The following SAMTOR variants were observed in gnomAD, a reference collection of about 807,000 sequenced individuals.
SAMTOR encodes S-adenosylmethionine sensor upstream of mTORC1, also known as UPF0532 protein C7orf60.
the SAMTOR span, among the ~76,000 whole-genome samples, chr7:112,933,062 C>T: frequency 6.6e-6 from 1 of 152,172 alleles, no homozygotes; most frequent in South Asian, 2.1e-4. Flanking sequence ...GCCCAGGAGC[C>T]ATCCAATCCT....
the SAMTOR span, among the ~76,000 whole-genome samples, chr7:112,840,355 G>A: frequency 6.6e-6 from 1 of 151,786 alleles, no homozygotes; most frequent in Admixed American, 6.6e-5. Context: ...GTCATTTTGT[G>A]TATTTCAATT....
chr7:112,876,015 C>T, the SAMTOR span, among the ~76,000 whole-genome samples: 4 of 152,190 alleles, frequency 2.6e-5, no homozygotes, highest in African/African-American at 9.6e-5. Flanking sequence ...GGCTGGAGTG[C>T]AGTGGTGCAA....
chr7:112,849,583 C>T, the SAMTOR span, among the ~76,000 whole-genome samples: 1 of 152,114 alleles, frequency 6.6e-6, no homozygotes, highest in African/African-American at 2.4e-5. Flanking sequence ...TTTGGATGCC[C>T]TTTATTTCTT....
chr7:112,832,827 A>G, the SAMTOR span: 11 of 581,830 alleles, frequency 1.9e-5, no homozygotes, highest in Non-Finnish European at 3.1e-5. Context: ...TGTGAGTTAT[A>G]TCTATTAATA....
At chr7:112,927,568 ATG>A in the SAMTOR span, among the ~76,000 whole-genome samples, 4 of 152,062 alleles carry the variant, frequency 2.6e-5, no homozygotes, top group East Asian at 1.9e-4. Context: ...GAAAAAATAC[ATG>A]TGTCTTAAAG....
the SAMTOR span, among the ~76,000 whole-genome samples, chr7:112,894,379 C>T: frequency 6.6e-6 from 1 of 152,022 alleles, no homozygotes. Context: ...TCACAGATCA[C>T]CAAAACAGAC....
At chr7:112,922,560 T>C in the SAMTOR span, among the ~76,000 whole-genome samples, 8 of 150,580 alleles carry the variant, frequency 5.3e-5, no homozygotes, top group African/African-American at 1.2e-4. Context: ...GGAGTGTCTC[T>C]ACCCAGCCGC....
chr7:112,934,725 A>T, the SAMTOR span, among the ~76,000 whole-genome samples: 260 of 152,310 alleles, frequency 1.7e-3, no homozygotes, highest in African/African-American at 6.0e-3. Flanking sequence ...AGTTCCAAAG[A>T]TTATACTGAT....
chr7:112,939,825 G>A, the SAMTOR span: 2 of 1,209,800 alleles, frequency 1.7e-6, no homozygotes, highest in Non-Finnish European at 1.2e-6. Flanking sequence ...TGGGGTAGGA[G>A]GAGGGAGCTG....
At chr7:112,884,037 T>C in the SAMTOR span, among the ~76,000 whole-genome samples, 2 of 152,134 alleles carry the variant, frequency 1.3e-5, no homozygotes, top group African/African-American at 2.4e-5. Context: ...CTTCCTCACA[T>C]GGTGGCAGCA....
At chr7:112,882,984 T>A in the SAMTOR span, among the ~76,000 whole-genome samples, 1 of 152,216 alleles carries the variant, frequency 6.6e-6, no homozygotes, top group African/African-American at 2.4e-5. Context: ...TGTTATAAAC[T>A]GAACTAGCAA....
At chr7:112,897,592 G>A in the SAMTOR span, among the ~76,000 whole-genome samples, 7 of 152,000 alleles carry the variant, frequency 4.6e-5, no homozygotes, top group African/African-American at 1.5e-4. Context: ...AATAAAGAGA[G>A]CAAATAAAAG....
At chr7:112,897,497 AG>A in the SAMTOR span, among the ~76,000 whole-genome samples, 1 of 152,198 alleles carries the variant, frequency 6.6e-6, no homozygotes, top group Non-Finnish European at 1.5e-5. Flanking sequence ...AAATACTTAA[AG>A]GGCTAAAATT....
chr7:112,887,660 C>T, the SAMTOR span, among the ~76,000 whole-genome samples: 9 of 152,256 alleles, frequency 5.9e-5, no homozygotes, highest in Non-Finnish European at 1.2e-4. Context: ...ATCTCCTTGT[C>T]TGAGTTTTAG....
At chr7:112,900,579 T>C in the SAMTOR span, among the ~76,000 whole-genome samples, 10 of 152,096 alleles carry the variant, frequency 6.6e-5, no homozygotes, top group African/African-American at 2.4e-4. Context: ...AAAATTAACA[T>C]AGGCAACACA....
chr7:112,838,493 G>A, the SAMTOR span, among the ~76,000 whole-genome samples: 1 of 151,812 alleles, frequency 6.6e-6, no homozygotes, highest in African/African-American at 2.4e-5. Context: ...GGATAACCCA[G>A]AAACTAATAA....
At chr7:112,873,232 T>C in the SAMTOR span, among the ~76,000 whole-genome samples, 5 of 151,890 alleles carry the variant, frequency 3.3e-5, no homozygotes, top group African/African-American at 9.7e-5. Flanking sequence ...AAAATTCACA[T>C]GGAACCAAAA....
the SAMTOR span, among the ~76,000 whole-genome samples, chr7:112,909,450 A>G: frequency 6.6e-6 from 1 of 152,222 alleles, no homozygotes; most frequent in Admixed American, 6.5e-5. Context: ...AATTAAAATA[A>G]CAATAAAAAA....
At chr7:112,898,485 G>A in the SAMTOR span, among the ~76,000 whole-genome samples, 2 of 152,194 alleles carry the variant, frequency 1.3e-5, no homozygotes, top group African/African-American at 2.4e-5. Flanking sequence ...AAAGCACCAG[G>A]CAGAATCCTA....
Sources: gnomAD v4.1 joint callset for allele counts (sites outside exome capture counted in the v4.1 genomes callset) on GRCh38, gnomAD v4.1.1 for gene constraint, MANE v1.5 for transcripts, NCBI Gene and HGNC (gene_info 2026-07-23, HGNC 2026-07-21) for gene names.